USP24: variants seen among roughly 807,000 people sequenced by gnomAD.
USP24 encodes the protein ubiquitin specific peptidase 24.
Under a neutral mutation model 361.6 loss-of-function variants are expected in USP24, and 97 were observed. That is an observed-to-expected ratio of 0.27 (90% CI 0.23 to 0.32). The LOEUF (loss-of-function observed/expected upper bound fraction) is 0.32, where lower values mean the gene tolerates loss of function less well. USP24 is among the 10% of genes least tolerant of loss of function. USP24 has a pLI of 1.00. For missense variants in USP24, 2,353 were observed against 3,165.6 expected (o/e 0.74, Z 6.16); for synonymous variants, 1,098 against 1,124.6 (o/e 0.98, Z 0.47).
chr1:55,098,242 A>T (rs1355690739), intron 46 of USP24, among the ~76,000 whole-genome samples, 158 bp from the exon 47 acceptor site: 3 of 152,264 alleles, frequency 2.0e-5, no homozygotes, highest in African/African-American at 7.2e-5. Context: ...ACTTTGTGAC[A>T]ATTAAGAATT....
chr1:55,164,523 T>A (rs527675744), intron 7 of USP24, among the ~76,000 whole-genome samples: 1 of 152,044 alleles, frequency 6.6e-6, no homozygotes, highest in Non-Finnish European at 1.5e-5. Context: ...CACGTGTGAA[T>A]TCTAATTATA....
In USP24 at chr1:55,214,907, G is replaced by C; in HGVS notation, c.207C>G (p.Gly69=). 7.8e-7 allele frequency: 1 copy of C among 1,284,498 alleles called. No individual in the cohort carries two copies. The highest frequency in any genetic ancestry group is 3.4e-5 in the Admixed American group (1 of 29,032). 79.6% of individuals were successfully genotyped at this position (1,284,498 alleles called of 1,614,324 possible). A position where few individuals can be genotyped will look rare whatever the true frequency, so the allele number is the denominator to read the frequency against. ...GGGPSPGPGG[G]PRGDGGGDGG... is the part of the protein sequence containing the mutation. ...CGTCACCTCCGCCGTCGCCCCGCGG[G>C]CCCCCGCCGGGCCCGGGGCTGGGGC... The change falls in exon 1 of 68, where the codon GGC becomes GGG. Residue 69 remains glycine, a synonymous_variant. Transcript: ENST00000294383.
chr1:55,075,510 G>T lies in USP24; in HGVS notation c.7394C>A (p.Pro2465His). 6.3e-7 allele frequency: 1 copy of T among 1,599,784 alleles called. No individual in the cohort carries two copies. Among genetic ancestry groups the T allele is most frequent in the Non-Finnish European group, 8.5e-7 (1 of 1,173,652 alleles). ...AAATTTGACTCGCTCTACTTGTATA[G>T]GATCTTCAATAACCTGGGAAAGGAA... ...LLHEILVIED[P>H]IQVERVKFVF... The change falls in exon 63 of 68, where the codon CCT (proline) becomes CAT (histidine). Residue 2465 changes from proline (P) to histidine (H), a missense_variant. Physicochemically the swap from Pro to His is moderately conservative, Grantham distance 77. Coordinates refer to ENST00000294383, the MANE Select transcript of USP24 (RefSeq NM_015306.3).
chr1:55,195,789 G>A (rs72662503), intron 1 of USP24, among the ~76,000 whole-genome samples: 1 of 152,150 alleles, frequency 6.6e-6, no homozygotes, highest in Non-Finnish European at 1.5e-5. Context: ...CAGGAGCTAG[G>A]GGGTAGGGGA....
chr1:55,135,956 G>A (rs879269175), intron 28 of USP24, among the ~76,000 whole-genome samples: 1 of 152,164 alleles, frequency 6.6e-6, no homozygotes, highest in Non-Finnish European at 1.5e-5. Flanking sequence ...TACCTATCAT[G>A]TTCTAGGCAC....
At chr1:55,209,074 A>G (rs1279626020) in intron 1 of USP24, among the ~76,000 whole-genome samples, 1 of 152,172 alleles carries the variant, frequency 6.6e-6, no homozygotes, top group Non-Finnish European at 1.5e-5. Flanking sequence ...AAGAAAATGA[A>G]AAATACAAGC....
intron 31 of USP24, among the ~76,000 whole-genome samples, chr1:55,130,762 G>C (rs1646567266): frequency 6.6e-6 from 1 of 152,162 alleles, no homozygotes; most frequent in African/African-American, 2.4e-5. Context: ...TGAACTGACA[G>C]GTTTCCTCAA....
chr1:55,177,111 CAAA>C (rs1650066691), intron 2 of USP24, among the ~76,000 whole-genome samples: 1 of 148,734 alleles, frequency 6.7e-6, no homozygotes. Context: ...AAAAAAACAA[CAAA>C]AACAAAAACA....
chr1:55,141,124 T>C (rs1646876644), intron 24 of USP24, among the ~76,000 whole-genome samples: 1 of 152,174 alleles, frequency 6.6e-6, no homozygotes, highest in African/African-American at 2.4e-5. Flanking sequence ...TAGTCACTAA[T>C]CATATGCAAG....
chr1:55,089,819 C>T, intron 54 of USP24, 79 bp from the exon 55 acceptor site: 1 of 917,324 alleles, frequency 1.1e-6, no homozygotes, highest in African/African-American at 1.7e-5. Context: ...CTTGTTGGTT[C>T]TTATCCTTTC....
At chr1:55,207,828 A>G (rs1340075112) in intron 1 of USP24, among the ~76,000 whole-genome samples, 1 of 152,246 alleles carries the variant, frequency 6.6e-6, no homozygotes, top group East Asian at 1.9e-4. Context: ...AATAATGTCA[A>G]ATGAATTTTG....
intron 5 of USP24, among the ~76,000 whole-genome samples, chr1:55,170,594 G>C (rs574373927): frequency 6.6e-6 from 1 of 152,226 alleles, no homozygotes; most frequent in Non-Finnish European, 1.5e-5. Context: ...CTATGAAATG[G>C]GGGTAAAAAT....
Position 55,211,571 on chromosome 1 carries a change from A to G in USP24, c.324+3219T>C, listed in dbSNP as rs1644847527. Among the ~76,000 whole-genome samples the G allele has an allele frequency of 3.3e-5, 5 of 152,206 alleles. No homozygotes were observed. The South Asian group carries it at 1.0e-3, about 32-fold the overall frequency. ...TTCACTGTTCAAATATTAATTTTTA[A>G]ACCAAACCCTAATTACAGCAGGGCC... On this transcript the variant is annotated intron_variant, in intron 1 of 67. Transcript: ENST00000294383.
chr1:55,169,584 G>A (rs994251661), intron 5 of USP24, among the ~76,000 whole-genome samples: 2 of 152,116 alleles, frequency 1.3e-5, no homozygotes, highest in African/African-American at 2.4e-5. Context: ...ATGGAGGAGA[G>A]AGAGACTTCT....
intron 55 of USP24, among the ~76,000 whole-genome samples, chr1:55,086,812 T>A (rs950597936): frequency 1.3e-5 from 2 of 152,162 alleles, no homozygotes; most frequent in Admixed American, 1.3e-4. Context: ...GTGTGAGAGC[T>A]GAGATAGCTA....
At chr1:55,094,156 G>A in intron 51 of USP24, 69 bp from the exon 52 acceptor site, 2 of 1,483,732 alleles carry the variant, frequency 1.3e-6, no homozygotes, top group South Asian at 1.3e-5. Flanking sequence ...ACTAAGACTT[G>A]CCAAATTCAC....
chr1:55,154,024 T>A, intron 15 of USP24, 95 bp downstream of exon 15: 1 of 1,580,592 alleles, frequency 6.3e-7, no homozygotes, highest in Non-Finnish European at 8.6e-7. Context: ...GCATTTAGTT[T>A]AATTTACATA....
intron 1 of USP24, among the ~76,000 whole-genome samples, chr1:55,181,251 C>A (rs551306471): frequency 2.6e-4 from 40 of 152,178 alleles, no homozygotes; most frequent in Admixed American, 6.5e-4. Flanking sequence ...CAACACATTT[C>A]TCCCCCCACC....
At chr1:55,100,766 C>A (rs893743777) in intron 44 of USP24, 73 bp downstream of exon 44, 5 of 1,424,538 alleles carry the variant, frequency 3.5e-6, no homozygotes, top group East Asian at 5.0e-5. Context: ...AAACAAAAAA[C>A]CATTACCATT....
Sources: gnomAD v4.1 joint callset for allele counts (sites outside exome capture counted in the v4.1 genomes callset) on GRCh38, gnomAD v4.1.1 for gene constraint, MANE v1.5 for transcripts, NCBI Gene and HGNC (gene_info 2026-07-23, HGNC 2026-07-21) for gene names.